GALNT13: variants seen among roughly 807,000 people sequenced by gnomAD.
The protein encoded by GALNT13 is polypeptide N-acetylgalactosaminyltransferase 13, also known as UDP-GalNAc:polypeptide N-acetylgalactosaminyltransferase 13.
GALNT13 carries 28 observed loss-of-function variants against 64.2 expected under a neutral mutation model. That is an observed-to-expected ratio of 0.44 (90% CI 0.32 to 0.60). GALNT13 has a LOEUF of 0.60. GALNT13 is among the 20% of genes least tolerant of loss of function. The pLI is 0.05. For missense variants in GALNT13, 577 were observed against 669.8 expected, an observed-to-expected ratio of 0.86 and a Z score of 1.53; for synonymous variants, 214 against 224.6, an observed-to-expected ratio of 0.95 and a Z score of 0.42.
chr2:153,978,373 G>C (rs1338879509), intron 3 of GALNT13, among the ~76,000 whole-genome samples: 1 of 152,078 alleles, frequency 6.6e-6, no homozygotes, highest in East Asian at 1.9e-4. Context: ...TTTGTTTTGC[G>C]TGACCTTTGT....
At chr2:153,754,023 A>T in the GALNT13 span, among the ~76,000 whole-genome samples, 3 of 152,162 alleles carry the variant, frequency 2.0e-5, no homozygotes, top group Non-Finnish European at 2.9e-5. Flanking sequence ...GACTACCATC[A>T]ATGTTTCCTT....
intron 3 of GALNT13, among the ~76,000 whole-genome samples, chr2:153,997,209 T>A (rs1159591137): frequency 6.6e-6 from 1 of 152,150 alleles, no homozygotes; most frequent in Non-Finnish European, 1.5e-5. Flanking sequence ...TTTGAATGAA[T>A]GCCATTGGTG....
the GALNT13 span, among the ~76,000 whole-genome samples, chr2:153,448,762 C>CCAAAGGCATCACAGTAGGTTCAGT: frequency 6.6e-6 from 1 of 152,104 alleles, no homozygotes; most frequent in African/African-American, 2.4e-5. Context: ...AGGGACTCAG[C>CCAAAGGCATCACAGTAGGTTCAGT]CAAAGGCATC....
At chr2:154,160,898 A>G (rs1684687982) in intron 4 of GALNT13, among the ~76,000 whole-genome samples, 1 of 152,226 alleles carries the variant, frequency 6.6e-6, no homozygotes, top group Non-Finnish European at 1.5e-5. Context: ...CTGTTACAAT[A>G]TCAGTACTGC....
Position 154,071,020 on chromosome 2 carries a change from G to T in GALNT13, c.143-69317G>T, listed in dbSNP as rs10209105. Among the ~76,000 whole-genome samples, 225 of 152,090 alleles carry T rather than the reference G, an allele frequency of 1.5e-3. 1 individual carries two copies. Among genetic ancestry groups the T allele is most frequent in the African/African-American group, 5.1e-3 (212 of 41,512 alleles). On this transcript the variant is annotated intron_variant, in intron 3 of 12. Coordinates refer to ENST00000392825, the MANE Select transcript of GALNT13 (RefSeq NM_052917.4). The stretch of plus-strand genomic sequence containing the variant: ...GATGGTTTAAAATGGATACCAATAA[G>T]GTTTTTCTATAAGTTGGATTTCTGT...
At chr2:154,055,825 G>C (rs578061486) in intron 3 of GALNT13, among the ~76,000 whole-genome samples, 30 of 152,206 alleles carry the variant, frequency 2.0e-4, no homozygotes, top group African/African-American at 6.5e-4. Context: ...GCTTTTAGAG[G>C]CTTGTGGCTT....
chr2:153,656,487 C>A, the GALNT13 span, among the ~76,000 whole-genome samples: 1 of 152,094 alleles, frequency 6.6e-6, no homozygotes, highest in Non-Finnish European at 1.5e-5. Flanking sequence ...ACTATTTTAT[C>A]TGTTTCTCTT....
chr2:153,709,133 G>T, the GALNT13 span, among the ~76,000 whole-genome samples: 2 of 151,938 alleles, frequency 1.3e-5, no homozygotes, highest in Admixed American at 1.3e-4. Context: ...TAGGAAAAAT[G>T]GATTACATAA....
intron 11 of GALNT13, among the ~76,000 whole-genome samples, chr2:154,412,879 T>C (rs1699853565): frequency 6.6e-6 from 1 of 151,918 alleles, no homozygotes; most frequent in African/African-American, 2.4e-5. Flanking sequence ...ACTCCATTTA[T>C]ATCTATTCTT....
At chr2:153,481,999 A>G in the GALNT13 span, among the ~76,000 whole-genome samples, 2 of 152,242 alleles carry the variant, frequency 1.3e-5, no homozygotes, top group African/African-American at 2.4e-5. Context: ...GAAGCCACTC[A>G]TAATAGCAGA....
At chr2:153,515,934 C>T in the GALNT13 span, among the ~76,000 whole-genome samples, 3 of 152,144 alleles carry the variant, frequency 2.0e-5, no homozygotes, top group Admixed American at 6.5e-5. Flanking sequence ...TGCTGTTAGA[C>T]GTGATAATAT....
At chr2:154,131,830 C>T (rs925807010) in intron 3 of GALNT13, among the ~76,000 whole-genome samples, 3 of 152,176 alleles carry the variant, frequency 2.0e-5, no homozygotes, top group Non-Finnish European at 2.9e-5. Flanking sequence ...AGTCCCAAAA[C>T]CTCAAAAGTA....
At chr2:153,869,070 G>A (rs1484223061), upstream of GALNT13, among the ~76,000 whole-genome samples, 1 of 152,038 alleles carries the variant, frequency 6.6e-6, no homozygotes, top group African/African-American at 2.4e-5. Flanking sequence ...GTTATAAAAG[G>A]TTGCCACATT....
At chr2:154,316,198 G>A (rs1349180967) in intron 9 of GALNT13, among the ~76,000 whole-genome samples, 1 of 152,204 alleles carries the variant, frequency 6.6e-6, no homozygotes, top group Non-Finnish European at 1.5e-5. Context: ...ACTGAAAGGT[G>A]TTGTGTCAGA....
chr2:153,848,273 T>C, the GALNT13 span, among the ~76,000 whole-genome samples: 1 of 152,136 alleles, frequency 6.6e-6, no homozygotes, highest in African/African-American at 2.4e-5. Context: ...CTGAAGAAGT[T>C]TGAAGTTGCT....
the GALNT13 span, among the ~76,000 whole-genome samples, chr2:153,266,094 T>C: frequency 6.6e-6 from 1 of 152,226 alleles, no homozygotes; most frequent in Non-Finnish European, 1.5e-5. Context: ...AACCAAAAAA[T>C]TTGTGTGACT....
chr2:153,690,061 A>ATTT, the GALNT13 span, among the ~76,000 whole-genome samples: 2 of 152,060 alleles, frequency 1.3e-5, no homozygotes, highest in Non-Finnish European at 2.9e-5. Flanking sequence ...CTGATCTGTA[A>ATTT]AATCTACAAT....
chr2:153,958,982 C>T (rs186777282), intron 3 of GALNT13, among the ~76,000 whole-genome samples: 10 of 152,346 alleles, frequency 6.6e-5, no homozygotes, highest in Admixed American at 5.9e-4. Flanking sequence ...TAGGAACTCC[C>T]AGTTCCTTTG....
At chr2:153,140,828 A>G in the GALNT13 span, among the ~76,000 whole-genome samples, 1 of 152,058 alleles carries the variant, frequency 6.6e-6, no homozygotes. Flanking sequence ...TGAATACCTA[A>G]GGTGGATATG....
Sources: allele counts gnomAD v4.1 joint callset (sites outside exome capture counted in the v4.1 genomes callset), GRCh38; gene constraint gnomAD v4.1.1; transcripts MANE v1.5; gene names NCBI Gene and HGNC (gene_info 2026-07-23, HGNC 2026-07-21).